Variants in MACROD2 observed in about 807,000 individuals in gnomAD.
The protein encoded by MACROD2 is ADP-ribose glycohydrolase MACROD2.
A neutral mutation model predicts 70.4 loss-of-function variants in MACROD2; 36 were observed. That is an observed-to-expected ratio of 0.51 (90% CI 0.39 to 0.68). MACROD2 has a LOEUF of 0.68. MACROD2 is among the 30% of genes least tolerant of loss of function. MACROD2 has a pLI of 0.00. For missense variants in MACROD2, 496 were observed against 538.4 expected (o/e 0.92, Z 0.78); for synonymous variants, 172 against 178.8 (o/e 0.96, Z 0.30).
intron 3 of MACROD2, among the ~76,000 whole-genome samples, chr20:14,487,306 C>A (rs1352826474): frequency 2.6e-5 from 4 of 152,026 alleles, no homozygotes; most frequent in Non-Finnish European, 5.9e-5. Context: ...TGTACTGTGA[C>A]CAATATGGTC....
chr20:14,969,361 TACACACACACAC>T lies in MACROD2; in HGVS notation c.419-260549_419-260538del, dbSNP rs3045701. Among the ~76,000 whole-genome samples the T allele has an allele frequency of 6.2e-4, 85 of 138,130 alleles. 1 individual carries two copies. Among genetic ancestry groups the T allele is most frequent in the African/African-American group, 1.7e-3 (64 of 37,230 alleles). The allele number at this position is 138,130 out of a possible 152,430, so 90.6% of individuals were successfully genotyped here. A position where few individuals can be genotyped will look rare whatever the true frequency, so the allele number is the denominator to read the frequency against. On this transcript the variant is annotated intron_variant, in intron 5 of 17. Transcript: ENST00000684519. ...AATTTAAAAGCTATATAAATGCTTT[TACACACACACAC>T]ACACACACACACACACACACACACA...
chr20:14,076,394 T>A (rs1435115783), intron 2 of MACROD2, among the ~76,000 whole-genome samples: 1 of 152,106 alleles, frequency 6.6e-6, no homozygotes, highest in Admixed American at 6.5e-5. Flanking sequence ...ATCACACCTG[T>A]AATCCCAGCA....
At chr20:14,986,288 G>T (rs2074848045) in intron 5 of MACROD2, among the ~76,000 whole-genome samples, 1 of 152,072 alleles carries the variant, frequency 6.6e-6, no homozygotes, top group Non-Finnish European at 1.5e-5. Flanking sequence ...TGTTTCCTCA[G>T]GCATTTCTTT....
At chr20:14,742,956 CG>C (rs2071752178) in intron 5 of MACROD2, among the ~76,000 whole-genome samples, 3 of 151,512 alleles carry the variant, frequency 2.0e-5, no homozygotes, top group African/African-American at 7.3e-5. Flanking sequence ...TTAGTAGAGA[CG>C]GGGTTTCACC....
rs548504531 is a variant in MACROD2 at position 15,586,769 on chromosome 20, A to G, written c.645+86922A>G. Among the ~76,000 whole-genome samples the G allele has an allele frequency of 5.8e-4, 88 of 152,346 alleles. 1 individual carries two copies. In the South Asian group the frequency reaches 0.015, roughly 26 times the overall value. On this transcript the variant is annotated intron_variant, in intron 8 of 17. Coordinates refer to ENST00000684519, the MANE Select transcript of MACROD2 (RefSeq NM_001351661.2). The stretch of plus-strand genomic sequence containing the variant: ...TTGGCTGTGTACAATATTAATGTGA[A>G]AATATCAGTAAATTTTCTGTACAAG...
At chr20:15,275,835 A>C (rs1173443235) in intron 6 of MACROD2, among the ~76,000 whole-genome samples, 1 of 152,172 alleles carries the variant, frequency 6.6e-6, no homozygotes, top group Non-Finnish European at 1.5e-5. Context: ...TGTGGCTCCC[A>C]AATCTCCAGT....
At chr20:14,014,348 C>T (rs2052957632) in intron 2 of MACROD2, among the ~76,000 whole-genome samples, 1 of 150,268 alleles carries the variant, frequency 6.7e-6, no homozygotes, top group African/African-American at 2.4e-5. Context: ...ATGTTTTTGT[C>T]TTTTCTGAAA....
intron 3 of MACROD2, 81 bp from the exon 4 acceptor site, chr20:14,493,398 G>A: frequency 8.3e-7 from 1 of 1,207,182 alleles, no homozygotes; most frequent in Non-Finnish European, 1.2e-6. Flanking sequence ...ATCATTATTA[G>A]CTTTATCTTG....
intron 8 of MACROD2, among the ~76,000 whole-genome samples, chr20:15,535,314 G>A (rs2047859760): frequency 7.4e-6 from 1 of 134,292 alleles, no homozygotes; most frequent in African/African-American, 3.1e-5. Flanking sequence ...TAGTTCCCAG[G>A]GACAATGAAA....
chr20:14,493,436 T>C lies in MACROD2; in HGVS notation c.272-43T>C, dbSNP rs1294765111. 6 of 1,534,028 alleles carry C rather than the reference T, an allele frequency of 3.9e-6. No individual in the cohort carries two copies. In the African/African-American group the frequency reaches 4.1e-5, roughly 10 times the overall value. On this transcript the variant is annotated intron_variant, in intron 3 of 17. Coordinates refer to ENST00000684519, the MANE Select transcript of MACROD2 (RefSeq NM_001351661.2). ...TTACTCTGATATACTATATTTCTTA[T>C]ACATATTATTTAATGTCTTTTGTTG... is the stretch of plus-strand genomic sequence containing the variant.
chr20:14,304,286 C>A (rs1222950590), intron 3 of MACROD2, among the ~76,000 whole-genome samples: 1 of 152,150 alleles, frequency 6.6e-6, no homozygotes, highest in African/African-American at 2.4e-5. Flanking sequence ...ACGTGTTCTG[C>A]CCAGCCCAGA....
chr20:15,415,792 A>G (rs1299840659), intron 6 of MACROD2, among the ~76,000 whole-genome samples: 2 of 152,172 alleles, frequency 1.3e-5, no homozygotes, highest in African/African-American at 2.4e-5. Flanking sequence ...TATCCATGCA[A>G]TAAGTGACCT....
At chr20:14,446,548 T>C (rs1447986479) in intron 3 of MACROD2, among the ~76,000 whole-genome samples, 1 of 152,118 alleles carries the variant, frequency 6.6e-6, no homozygotes, top group Non-Finnish European at 1.5e-5. Flanking sequence ...CAACTTCAAA[T>C]TTCCTCCATT....
chr20:14,577,332 C>T (rs1033347086), intron 4 of MACROD2, among the ~76,000 whole-genome samples: 4 of 152,248 alleles, frequency 2.6e-5, no homozygotes, highest in South Asian at 2.1e-4. Context: ...TCTAAACATA[C>T]GTATCAATAA....
intron 6 of MACROD2, among the ~76,000 whole-genome samples, chr20:15,397,277 T>G (rs1261696508): frequency 6.6e-6 from 1 of 152,148 alleles, no homozygotes; most frequent in African/African-American, 2.4e-5. Flanking sequence ...TCTTGCTTTT[T>G]CTTTTTCTTT....
intron 15 of MACROD2, among the ~76,000 whole-genome samples, chr20:16,020,551 G>T (rs1177811290): frequency 6.6e-6 from 1 of 150,758 alleles, no homozygotes; most frequent in Non-Finnish European, 1.5e-5. Context: ...CTTGGCACAT[G>T]GTAGATGCTC....
intron 6 of MACROD2, among the ~76,000 whole-genome samples, chr20:15,274,477 C>A (rs2077373351): frequency 6.6e-6 from 1 of 152,192 alleles, no homozygotes; most frequent in Non-Finnish European, 1.5e-5. Flanking sequence ...TTGTTGGGTG[C>A]CCCCTGTCTT....
At chr20:14,482,466 A>G (rs1177216373) in intron 3 of MACROD2, among the ~76,000 whole-genome samples, 3 of 150,938 alleles carry the variant, frequency 2.0e-5, no homozygotes, top group Non-Finnish European at 4.4e-5. Context: ...TCCTTTCTCT[A>G]TAAGCTGGCC....
intron 5 of MACROD2, among the ~76,000 whole-genome samples, chr20:14,695,002 A>G (rs2123619587): frequency 6.6e-6 from 1 of 152,286 alleles, no homozygotes; most frequent in African/African-American, 2.4e-5. Flanking sequence ...AATAATGGGA[A>G]CATCTGAAAC....
Sources: gnomAD v4.1 joint callset for allele counts (sites outside exome capture counted in the v4.1 genomes callset) on GRCh38, gnomAD v4.1.1 for gene constraint, MANE v1.5 for transcripts, NCBI Gene and HGNC (gene_info 2026-07-23, HGNC 2026-07-21) for gene names.